NCKAP5: variants seen among roughly 807,000 people sequenced by gnomAD.
The protein encoded by NCKAP5 is nck-associated protein 5.
In NCKAP5, 92 loss-of-function variants were observed where a neutral mutation model predicts 167.0. The observed-to-expected ratio is 0.55, with a 90% CI of 0.47 to 0.66. NCKAP5 has a LOEUF of 0.66. NCKAP5 is among the 30% of genes least tolerant of loss of function. The pLI, the probability that NCKAP5 is intolerant of heterozygous loss-of-function variation, is 0.00. For synonymous variants in NCKAP5, 891 were observed against 877.4 expected, an observed-to-expected ratio of 1.02 and a Z score of -0.27; for missense variants, 2,378 against 2,315.0, an observed-to-expected ratio of 1.03 and a Z score of -0.56.
At chr2:132,764,642 TA>T (rs1386337481) in intron 16 of NCKAP5, among the ~76,000 whole-genome samples, 1 of 150,562 alleles carries the variant, frequency 6.6e-6, no homozygotes, top group African/African-American at 2.4e-5. Context: ...ATTATCTAAG[TA>T]GTTTGGTGCC....
chr2:132,867,907 T>C (rs1329331306), intron 10 of NCKAP5, among the ~76,000 whole-genome samples: 1 of 152,204 alleles, frequency 6.6e-6, no homozygotes. Context: ...TGCATGTTAG[T>C]ATAAAACTGG....
chr2:133,513,919 A>T (rs1280344698), intron 3 of NCKAP5, among the ~76,000 whole-genome samples: 1 of 152,234 alleles, frequency 6.6e-6, no homozygotes. Context: ...CATGCTCATC[A>T]GCTAAATACT....
intron 3 of NCKAP5, among the ~76,000 whole-genome samples, chr2:133,417,411 C>A (rs1355042274): frequency 3.9e-5 from 6 of 152,216 alleles, no homozygotes; most frequent in Non-Finnish European, 7.3e-5. Context: ...ACTGCGCAGC[C>A]TGGAATCGAC....
intron 6 of NCKAP5, among the ~76,000 whole-genome samples, chr2:133,059,533 C>T (rs369074155): frequency 6.6e-6 from 1 of 150,558 alleles, no homozygotes; most frequent in Admixed American, 6.6e-5. Flanking sequence ...ATTAACAAGG[C>T]CTGGTGGCAC....
intron 11 of NCKAP5, among the ~76,000 whole-genome samples, chr2:132,856,087 C>T (rs1473291812): frequency 6.6e-6 from 1 of 152,124 alleles, no homozygotes; most frequent in Non-Finnish European, 1.5e-5. Context: ...TGGCGTGAAC[C>T]CGGGAGGCAA....
chr2:132,964,351 C>T (rs2076599909), intron 7 of NCKAP5, among the ~76,000 whole-genome samples: 1 of 152,166 alleles, frequency 6.6e-6, no homozygotes, highest in Admixed American at 6.5e-5. Flanking sequence ...ATTCAAAGCT[C>T]ACACCTATTA....
At chr2:132,996,677 G>C (rs986975711) in intron 6 of NCKAP5, among the ~76,000 whole-genome samples, 1 of 152,128 alleles carries the variant, frequency 6.6e-6, no homozygotes, top group Non-Finnish European at 1.5e-5. Context: ...ATTTGGTATA[G>C]GACTATGCCA....
intron 16 of NCKAP5, among the ~76,000 whole-genome samples, chr2:132,748,202 G>A (rs747373843): frequency 3.3e-5 from 5 of 152,180 alleles, no homozygotes; most frequent in African/African-American, 9.7e-5. Flanking sequence ...CCATGTCTAA[G>A]GGAGAGAGAA....
intron 3 of NCKAP5, among the ~76,000 whole-genome samples, chr2:133,471,767 G>A (rs1190528482): frequency 1.3e-5 from 2 of 152,000 alleles, no homozygotes; most frequent in Non-Finnish European, 2.9e-5. Context: ...CTCTCCCCTT[G>A]TCCTGACCAA....
At chr2:133,351,238 T>A (rs1332158413) in intron 3 of NCKAP5, among the ~76,000 whole-genome samples, 2 of 151,076 alleles carry the variant, frequency 1.3e-5, no homozygotes, top group Admixed American at 1.3e-4. Flanking sequence ...AAAAAAAAAA[T>A]AAAAACCACT....
intron 3 of NCKAP5, among the ~76,000 whole-genome samples, chr2:133,417,111 T>C (rs983304788): frequency 4.2e-5 from 6 of 144,442 alleles, no homozygotes; most frequent in African/African-American, 1.3e-4. Flanking sequence ...TTTTTTGCCC[T>C]GGAAAGTATG....
intron 3 of NCKAP5, among the ~76,000 whole-genome samples, chr2:133,324,723 T>G (rs554064394): frequency 1.3e-5 from 2 of 152,214 alleles, no homozygotes; most frequent in African/African-American, 4.8e-5. Flanking sequence ...TGCTTTTTTT[T>G]TTCTTTTCTT....
Position 133,164,309 on chromosome 2 carries a change from G to A in NCKAP5, c.208-34198C>T, listed in dbSNP as rs530740947. On this transcript the variant is annotated intron_variant, in intron 5 of 19. Transcript: ENST00000409261. ...TTGTTTTGATATTCAAATATAGATT[G>A]TAGTCACAGGAAGAGGAAAGATGAT... Among the ~76,000 whole-genome samples, 10 of 152,302 alleles carry A rather than the reference G, an allele frequency of 6.6e-5. No homozygotes were observed. The East Asian group carries it at 1.3e-3, about 21-fold the overall frequency.
At chr2:133,202,603 C>T (rs561967616) in intron 5 of NCKAP5, among the ~76,000 whole-genome samples, 3 of 152,218 alleles carry the variant, frequency 2.0e-5, no homozygotes, top group Admixed American at 2.0e-4. Context: ...AACAGGCAAC[C>T]TGCAGAATGG....
At chr2:133,322,251 C>T (rs1284535622) in intron 3 of NCKAP5, among the ~76,000 whole-genome samples, 1 of 152,036 alleles carries the variant, frequency 6.6e-6, no homozygotes. Context: ...TTGCTAAAAA[C>T]ATCACCGTTA....
the NCKAP5 span, among the ~76,000 whole-genome samples, chr2:133,663,635 G>A: frequency 6.6e-6 from 1 of 152,240 alleles, no homozygotes. Context: ...TCACTTTCTT[G>A]GCTCATCTGT....
rs140575618 is a variant in NCKAP5, at chr2:133,219,509, C to A, written c.144-5730G>T. On this transcript the variant is annotated intron_variant, in intron 4 of 19. Transcript: ENST00000409261. ...CCTCCCATGGAGTCAGTGGGCAAAGCCAGTGGCAGCTAAGTCCCACGACAG... is the reference window on the plus strand; with the variant it reads ...CCTCCCATGGAGTCAGTGGGCAAAGACAGTGGCAGCTAAGTCCCACGACAG... 2.3e-3 allele frequency among the ~76,000 whole-genome samples: 354 copies of A among 152,306 alleles called. 2 individuals are homozygous for A. Among genetic ancestry groups the A allele is most frequent in the African/African-American group, 8.2e-3 (339 of 41,570 alleles).
intron 11 of NCKAP5, among the ~76,000 whole-genome samples, chr2:132,833,000 T>G (rs1007771354): frequency 6.6e-6 from 1 of 152,180 alleles, no homozygotes; most frequent in Admixed American, 6.5e-5. Flanking sequence ...TCACCAACAG[T>G]ATACAAGCAT....
At chr2:133,361,971 T>C (rs912833305) in intron 3 of NCKAP5, among the ~76,000 whole-genome samples, 6 of 150,130 alleles carry the variant, frequency 4.0e-5, no homozygotes, top group African/African-American at 7.4e-5. Flanking sequence ...AGAAGAAAAA[T>C]AATCAAGGAA....
Sources: allele counts gnomAD v4.1 joint callset (sites outside exome capture counted in the v4.1 genomes callset), GRCh38; gene constraint gnomAD v4.1.1; transcripts MANE v1.5; gene names NCBI Gene and HGNC (gene_info 2026-07-23, HGNC 2026-07-21).